Variants in LUZP1 observed in about 807,000 individuals in gnomAD.
LUZP1 encodes the protein filamin mechanobinding actin cross-linking protein.
LUZP1 carries 25 observed loss-of-function variants against 71.3 expected under a neutral mutation model. That is an observed-to-expected ratio of 0.35 (90% CI 0.26 to 0.49). LUZP1 has a LOEUF of 0.49. Ranked by LOEUF, LUZP1 falls within the 20% of genes least tolerant of loss-of-function variation. The pLI is 0.99. For synonymous variants in LUZP1, 481 were observed against 506.4 expected (o/e 0.95, Z 0.67); for missense variants, 1,142 against 1,300.8 (o/e 0.88, Z 1.88).
chr1:23,091,505 A>T, exon 4 of LUZP1: 1 of 1,614,202 alleles, frequency 6.2e-7, no homozygotes, highest in Non-Finnish European at 8.5e-7. Context: ...CATTCCGCAC[A>T]GTAACATGTC....
At chr1:23,092,853 T>C (rs1300682135) in exon 4 of LUZP1, 2 of 1,613,910 alleles carry the variant, frequency 1.2e-6, no homozygotes, top group East Asian at 2.2e-5. Flanking sequence ...CACTGAGGGC[T>C]GCTCCCTAGA....
intron 2 of LUZP1, among the ~76,000 whole-genome samples, chr1:23,162,023 C>CAAAAAA: frequency 1.7e-5 from 1 of 59,512 alleles, no homozygotes; most frequent in Non-Finnish European, 3.2e-5. Flanking sequence ...GAGACTGTCT[C>CAAAAAA]AAAAAAAAAA....
intron 2 of LUZP1, among the ~76,000 whole-genome samples, chr1:23,167,879 C>A (rs2148218054): frequency 6.6e-6 from 1 of 152,154 alleles, no homozygotes; most frequent in African/African-American, 2.4e-5. Flanking sequence ...TCCTTCCCTG[C>A]CCGGGCGGCT....
chr1:23,132,826 G>A (rs1171338811), intron 2 of LUZP1, among the ~76,000 whole-genome samples: 1 of 152,100 alleles, frequency 6.6e-6, no homozygotes, highest in Admixed American at 6.5e-5. Context: ...TTTTTCATAA[G>A]AAGTTGCTGA....
chr1:23,097,739 G>A (rs995183932), intron 3 of LUZP1, among the ~76,000 whole-genome samples: 1 of 152,196 alleles, frequency 6.6e-6, no homozygotes, highest in Non-Finnish European at 1.5e-5. Context: ...CTACTTGGTA[G>A]GCTGAGGCAA....
In LUZP1 at chr1:23,149,754, G is replaced by A. The variant is rs184345130; in HGVS notation, c.-226+19012C>T. On this transcript the variant is annotated intron_variant, in intron 2 of 4. Coordinates refer to ENST00000302291, the Ensembl canonical transcript of LUZP1. ...CTTTGGGAGCGGATCACGAGGTCAC[G>A]AGATCGAGATCAGCCTGACCAACAT... 1.4e-3 allele frequency among the ~76,000 whole-genome samples: 208 copies of A among 152,114 alleles called. 2 individuals are homozygous for A. The highest frequency in any genetic ancestry group is 4.8e-3 in the African/African-American group (198 of 41,534).
chr1:23,141,820 C>T (rs1035843021), intron 2 of LUZP1, among the ~76,000 whole-genome samples: 1 of 151,704 alleles, frequency 6.6e-6, no homozygotes, highest in African/African-American at 2.4e-5. Context: ...GCTGGGACCA[C>T]AGGCATACAC....
At chr1:23,174,021 T>A (rs1178584721) in intron 1 of LUZP1, among the ~76,000 whole-genome samples, 2 of 151,992 alleles carry the variant, frequency 1.3e-5, no homozygotes, top group Non-Finnish European at 2.9e-5. Flanking sequence ...TAGTCAGAGT[T>A]CCCCAGAGAA....
At chr1:23,106,036 T>C (rs551431182) in intron 3 of LUZP1, among the ~76,000 whole-genome samples, 5 of 152,244 alleles carry the variant, frequency 3.3e-5, no homozygotes, top group Non-Finnish European at 7.3e-5. Flanking sequence ...CTCTGGATAA[T>C]GTGCTTTTTT....
In LUZP1 at chr1:23,094,175, C is replaced by T. The variant is rs151273807; in HGVS notation, c.87G>A (p.Glu29=). 3.8e-5 allele frequency: 61 copies of T among 1,614,054 alleles called. No individual in the cohort carries two copies. The highest frequency in any genetic ancestry group is 1.6e-4 in the Middle Eastern group (1 of 6,084). Reference sequence around the variant, plus strand: ...GGAGGTTTTTTGTGGCTTCCTCCAACTCATCAAGGCGGCGGCTTAGACTCT... The same window carrying T: ...GGAGGTTTTTTGTGGCTTCCTCCAATTCATCAAGGCGGCGGCTTAGACTCT... Residue 29 remains glutamate (E), a synonymous_variant, in exon 4 of 5, where the codon GAG becomes GAA. Transcript: ENST00000302291. The surrounding 1 kb of genome is among the most constrained non-coding windows in gnomAD (Gnocchi z 4.7).
At chr1:23,145,134 C>T (rs1191260047) in intron 2 of LUZP1, among the ~76,000 whole-genome samples, 1 of 151,940 alleles carries the variant, frequency 6.6e-6, no homozygotes, top group Non-Finnish European at 1.5e-5. Context: ...AATTTCTGGG[C>T]TCAAGGGATC....
intron 2 of LUZP1, among the ~76,000 whole-genome samples, chr1:23,134,765 G>C (rs565717861): frequency 6.6e-6 from 1 of 152,032 alleles, no homozygotes; most frequent in South Asian, 2.1e-4. Flanking sequence ...CCTGGGGGAC[G>C]GTGTGAGACC....
At chr1:23,129,520 G>A (rs1644197808) in intron 2 of LUZP1, among the ~76,000 whole-genome samples, 1 of 152,180 alleles carries the variant, frequency 6.6e-6, no homozygotes, top group Non-Finnish European at 1.5e-5. Flanking sequence ...GGCGGAGGTT[G>A]CGGTGAACCA....
exon 2 of LUZP1, chr1:23,168,835 C>T (rs984987913): frequency 6.5e-6 from 1 of 152,720 alleles, no homozygotes; most frequent in Non-Finnish European, 1.5e-5. Flanking sequence ...ACCGGCGCCT[C>T]CTCTGGCTCC....
intron 2 of LUZP1, among the ~76,000 whole-genome samples, chr1:23,150,692 T>G (rs561714176): frequency 5.9e-5 from 9 of 152,228 alleles, no homozygotes; most frequent in Middle Eastern, 6.8e-3. Context: ...CTAAAGAACT[T>G]TATGGCTGCA....
chr1:23,088,833 G>A (rs777647695), exon 5 of LUZP1: 156 of 1,580,724 alleles, frequency 9.9e-5, no homozygotes, highest in Non-Finnish European at 1.3e-4. Context: ...TCCTTCGTGG[G>A]GCAGGACGGT....
At chr1:23,128,443 T>C (rs900415827) in intron 2 of LUZP1, among the ~76,000 whole-genome samples, 20 of 152,248 alleles carry the variant, frequency 1.3e-4, no homozygotes, top group African/African-American at 4.8e-4. Context: ...TTCAAATGTG[T>C]TAATGCTTAT....
At chr1:23,149,508 T>C (rs1298707348) in intron 2 of LUZP1, among the ~76,000 whole-genome samples, 3 of 152,126 alleles carry the variant, frequency 2.0e-5, no homozygotes, top group African/African-American at 7.2e-5. Context: ...ACTTAAATAT[T>C]GCAGCGATAT....
At chr1:23,138,654 ATTATGTGT>A in intron 2 of LUZP1, among the ~76,000 whole-genome samples, 1 of 129,482 alleles carries the variant, frequency 7.7e-6, no homozygotes, top group African/African-American at 3.0e-5. Flanking sequence ...TGGTATATGG[ATTATGTGT>A]TTGTGTGTGT....
Sources: gnomAD v4.1 joint callset for allele counts (sites outside exome capture counted in the v4.1 genomes callset) on GRCh38, gnomAD v4.1.1 for gene constraint, Gnocchi (gnomAD v3.1) non-coding constraint, MANE v1.5 for transcripts, NCBI Gene and HGNC (gene_info 2026-07-23, HGNC 2026-07-21) for gene names.